Variants in APBB2 observed in about 807,000 individuals in gnomAD.
APBB2 encodes amyloid beta precursor protein binding family B member 2, also known as Fe65-like 1.
In APBB2, 38 loss-of-function variants were observed where a neutral mutation model predicts 82.5. The ratio of observed to expected loss-of-function variants is 0.46; its 90% CI spans 0.36 to 0.60. The LOEUF (loss-of-function observed/expected upper bound fraction) is 0.60, where lower values mean the gene tolerates loss of function less well. Among genes scored for constraint, APBB2 ranks in the 20% least tolerant of loss-of-function variants. The pLI, the probability that APBB2 is intolerant of heterozygous loss-of-function variation, is 0.00. For missense variants in APBB2, 772 were observed against 972.3 expected (o/e 0.79, Z 2.74); for synonymous variants, 341 against 368.2 (o/e 0.93, Z 0.85).
intron 2 of APBB2, among the ~76,000 whole-genome samples, chr4:41,103,367 A>T (rs187518856): frequency 2.4e-4 from 36 of 152,322 alleles, no homozygotes; most frequent in African/African-American, 8.4e-4. Context: ...ATTACTTTTC[A>T]TTCTTAAAAA....
intron 10 of APBB2, among the ~76,000 whole-genome samples, chr4:40,924,797 G>T (rs372587223): frequency 6.6e-6 from 1 of 152,248 alleles, no homozygotes; most frequent in Non-Finnish European, 1.5e-5. Context: ...TTTAAGCTAC[G>T]AAGTTTTGGT....
At chr4:41,123,329 A>G (rs1753442309) in intron 2 of APBB2, among the ~76,000 whole-genome samples, 1 of 152,170 alleles carries the variant, frequency 6.6e-6, no homozygotes, top group Non-Finnish European at 1.5e-5. Context: ...AAAAGAAAGA[A>G]CAGCTGGTCC....
At chr4:40,860,277 C>A (rs1446921158) in intron 12 of APBB2, among the ~76,000 whole-genome samples, 2 of 152,140 alleles carry the variant, frequency 1.3e-5, no homozygotes, top group African/African-American at 4.8e-5. Context: ...ATAGGGTGAT[C>A]TGGGGTGGGC....
chr4:40,944,733 A>T (rs4327523), intron 7 of APBB2, 132 bp downstream of exon 7: 152,177 of 841,802 alleles, frequency 0.18, 15,786 homozygotes, highest in Non-Finnish European at 0.22. Flanking sequence ...CATTACTGAG[A>T]TTTCAAATGC....
chr4:40,856,899 C>G (rs945353393), intron 12 of APBB2: 13 of 964,204 alleles, frequency 1.3e-5, no homozygotes, highest in Middle Eastern at 5.3e-4. Context: ...AGGGAGGGCG[C>G]AGCCTTTGTC....
At chr4:41,133,240 A>G (rs1756595908) in intron 2 of APBB2, among the ~76,000 whole-genome samples, 1 of 152,258 alleles carries the variant, frequency 6.6e-6, no homozygotes, top group Non-Finnish European at 1.5e-5. Flanking sequence ...TATCATATAA[A>G]TATCTTGGCA....
At chr4:40,880,532 T>G (rs1341671579) in intron 12 of APBB2, 3 of 985,354 alleles carry the variant, frequency 3.0e-6, no homozygotes, top group Non-Finnish European at 3.6e-6. Flanking sequence ...CTTCCTCTGT[T>G]CTCAAAGACA....
chr4:41,024,756 T>C (rs1157713688), intron 5 of APBB2, among the ~76,000 whole-genome samples: 1 of 152,170 alleles, frequency 6.6e-6, no homozygotes, highest in Admixed American at 6.5e-5. Context: ...AGCAGCACAG[T>C]GAAGATTATA....
chr4:41,041,327 G>A (rs776696646), intron 4 of APBB2, among the ~76,000 whole-genome samples: 5 of 152,188 alleles, frequency 3.3e-5, no homozygotes, highest in Non-Finnish European at 5.9e-5. Context: ...CAAGTAAAAT[G>A]TGTATAGTCT....
chr4:41,203,902 A>G (rs931075038), intron 1 of APBB2, among the ~76,000 whole-genome samples: 1 of 152,094 alleles, frequency 6.6e-6, no homozygotes, highest in African/African-American at 2.4e-5. Flanking sequence ...TGAACCAAAC[A>G]CTTTTACTCT....
At chr4:40,974,581 T>C (rs754672460) in intron 6 of APBB2, among the ~76,000 whole-genome samples, 19 of 152,252 alleles carry the variant, frequency 1.2e-4, no homozygotes, top group Non-Finnish European at 2.2e-4. Flanking sequence ...TTCTCTGTTA[T>C]AGAATTATAA....
At chr4:40,896,662 T>C (rs922298095) in intron 10 of APBB2, among the ~76,000 whole-genome samples, 19 of 152,234 alleles carry the variant, frequency 1.2e-4, no homozygotes, top group African/African-American at 4.1e-4. Flanking sequence ...GAGAGATTTG[T>C]ATTAGGGTGA....
chr4:41,210,530 CAT>C (rs1290306391), intron 1 of APBB2, among the ~76,000 whole-genome samples: 4 of 152,230 alleles, frequency 2.6e-5, no homozygotes, highest in African/African-American at 7.2e-5. Context: ...GCCGTCAACA[CAT>C]ATCAGCATGC....
chr4:41,099,866 T>A (rs2153967248), intron 3 of APBB2, among the ~76,000 whole-genome samples: 1 of 152,312 alleles, frequency 6.6e-6, no homozygotes, highest in Admixed American at 6.5e-5. Context: ...TGTGTATGTT[T>A]CTGTGCGTGC....
intron 12 of APBB2, among the ~76,000 whole-genome samples, chr4:40,856,114 G>A (rs1047254025): frequency 5.9e-5 from 9 of 152,208 alleles, no homozygotes; most frequent in Non-Finnish European, 1.0e-4. Context: ...ACAGCATGAG[G>A]AAAGCAGGCA....
chr4:40,949,605 C>T (rs1039277119), intron 6 of APBB2, among the ~76,000 whole-genome samples: 1 of 151,906 alleles, frequency 6.6e-6, no homozygotes, highest in Non-Finnish European at 1.5e-5. Context: ...CGAGAGGGAG[C>T]ACAAGCAGAA....
rs906151387 is a variant in APBB2 at position 41,049,364 on chromosome 4, G to A, written c.-50-16060C>T. 2.0e-4 allele frequency among the ~76,000 whole-genome samples: 30 copies of A among 148,732 alleles called. 1 individual carries two copies. The highest frequency in any genetic ancestry group is 7.0e-4 in the African/African-American group (28 of 39,932). ...TCTCCGACCGGCAGCCGCCCCGTCC[G>A]GGAGGTGGGGGGTCAGCCCCCGCCC... On this transcript the variant is annotated intron_variant, in intron 4 of 17. Coordinates refer to ENST00000508593, the MANE Select transcript of APBB2 (RefSeq NM_004307.2).
rs553541319 is a variant in APBB2 at position 40,861,303 on chromosome 4, T to C, written c.1529+29061A>G. ...AGGCAGAGGTTGCAGTGAGCTGAGA[T>C]CACACCGCTGCACTCCAGCCTGGGT... On this transcript the variant is annotated intron_variant, in intron 12 of 17. Coordinates refer to ENST00000508593, the MANE Select transcript of APBB2 (RefSeq NM_004307.2). 5.3e-5 allele frequency among the ~76,000 whole-genome samples: 8 copies of C among 151,012 alleles called. No individual in the cohort carries two copies. In the East Asian group the frequency reaches 1.4e-3, roughly 26 times the overall value.
At chr4:40,918,720 T>TCCTCCCTCCCTC (rs541666022) in intron 10 of APBB2, among the ~76,000 whole-genome samples, 10 of 143,668 alleles carry the variant, frequency 7.0e-5, no homozygotes, top group East Asian at 4.0e-4. Context: ...CTTCCTTCCT[T>TCCTCCCTCCCTC]CCTCCCTCCC....
Sources: gnomAD v4.1 joint callset for allele counts (sites outside exome capture counted in the v4.1 genomes callset) on GRCh38, gnomAD v4.1.1 for gene constraint, MANE v1.5 for transcripts, NCBI Gene and HGNC (gene_info 2026-07-23, HGNC 2026-07-21) for gene names.